Variants in UNC80 observed in about 807,000 individuals in gnomAD.
UNC80 encodes the protein protein unc-80 homolog.
Under a neutral mutation model 384.6 loss-of-function variants are expected in UNC80, and 164 were observed. The ratio of observed to expected loss-of-function variants is 0.43; its 90% CI spans 0.38 to 0.49. The LOEUF is 0.49. UNC80 is among the 20% of genes least tolerant of loss of function. UNC80 has a pLI of 0.00. For synonymous variants in UNC80, 1,486 were observed against 1,527.8 expected (o/e 0.97, Z 0.64); for missense variants, 3,330 against 4,143.0 (o/e 0.80, Z 5.39).
At chr2:209,837,900 T>C (rs2081442644) in intron 18 of UNC80, among the ~76,000 whole-genome samples, 1 of 151,942 alleles carries the variant, frequency 6.6e-6, no homozygotes, top group Middle Eastern at 3.4e-3. Flanking sequence ...GCCTCCTGAG[T>C]AGCTGGGACT....
intron 2 of UNC80, among the ~76,000 whole-genome samples, 160 bp from the exon 3 acceptor site, chr2:209,775,729 G>A (rs1307133251): frequency 6.6e-6 from 1 of 152,138 alleles, no homozygotes; most frequent in African/African-American, 2.4e-5. Flanking sequence ...ACAAGAAAAT[G>A]CAATGAGTTC....
At chr2:209,886,074 C>T (rs888724064) in intron 25 of UNC80, among the ~76,000 whole-genome samples, 1 of 151,930 alleles carries the variant, frequency 6.6e-6, no homozygotes, top group Non-Finnish European at 1.5e-5. Flanking sequence ...AAAATTTTAT[C>T]TTATTGATGA....
chr2:209,833,178 T>A (rs1306479898), intron 16 of UNC80, among the ~76,000 whole-genome samples: 2 of 150,676 alleles, frequency 1.3e-5, no homozygotes, highest in Non-Finnish European at 2.9e-5. Context: ...ATTATGGACA[T>A]AATTGTCCCA....
chr2:209,849,744 A>T, intron 22 of UNC80, 121 bp downstream of exon 22: 1 of 1,068,952 alleles, frequency 9.4e-7, no homozygotes, highest in Non-Finnish European at 1.3e-6. Context: ...TTTCAGAATT[A>T]GTGATAAAAG....
chr2:209,896,481 G>A, intron 28 of UNC80, 68 bp downstream of exon 28: 1 of 1,262,834 alleles, frequency 7.9e-7, no homozygotes, highest in East Asian at 2.5e-5. Context: ...TCCAAGGAGG[G>A]AGGACAAGAG....
At chr2:209,869,450 G>C (rs186419980) in intron 22 of UNC80, among the ~76,000 whole-genome samples, 42 of 152,188 alleles carry the variant, frequency 2.8e-4, no homozygotes, top group Admixed American at 1.2e-3. Flanking sequence ...TTAATTAGCT[G>C]TTGCTTACTA....
At chr2:209,894,745 T>G (rs2086652955) in intron 27 of UNC80, among the ~76,000 whole-genome samples, 2 of 152,236 alleles carry the variant, frequency 1.3e-5, no homozygotes, top group Non-Finnish European at 2.9e-5. Context: ...AAAAGGACAG[T>G]CTTTGAAATT....
At chr2:209,992,318 T>G in intron 62 of UNC80, 71 bp downstream of exon 62, 1 of 1,398,662 alleles carries the variant, frequency 7.1e-7, no homozygotes, top group Non-Finnish European at 9.9e-7. Context: ...TTAATGCCCA[T>G]GTATATTAAG....
At chr2:209,988,641 C>T (rs1294897402) in intron 61 of UNC80, among the ~76,000 whole-genome samples, 2 of 152,034 alleles carry the variant, frequency 1.3e-5, no homozygotes, top group Non-Finnish European at 2.9e-5. Context: ...TACTGCAATC[C>T]AGGCCATTAT....
chr2:209,937,372 T>C (rs1185817735), intron 41 of UNC80, among the ~76,000 whole-genome samples, 157 bp from the exon 42 acceptor site: 1 of 152,234 alleles, frequency 6.6e-6, no homozygotes, highest in African/African-American at 2.4e-5. Flanking sequence ...GACATCACTT[T>C]ACAGTGATCT....
chr2:209,873,092 A>C (rs986703716), intron 23 of UNC80, 122 bp downstream of exon 23: 1 of 892,470 alleles, frequency 1.1e-6, no homozygotes, highest in Non-Finnish European at 1.7e-6. Context: ...CAGGTACTGA[A>C]GGAAACACTT....
At chr2:209,882,216 T>A (rs1294670302) in intron 25 of UNC80, among the ~76,000 whole-genome samples, 2 of 152,096 alleles carry the variant, frequency 1.3e-5, no homozygotes, top group African/African-American at 4.8e-5. Context: ...TCTGCCTGCC[T>A]TGGCCTCCCA....
rs1015610704 is a variant in UNC80, at chr2:209,798,797, C to G, written c.938+4938C>G. 7.3e-5 allele frequency among the ~76,000 whole-genome samples: 11 copies of G among 150,540 alleles called. No individual in the cohort carries two copies. In the South Asian group the frequency reaches 2.3e-3, roughly 32 times the overall value. On this transcript the variant is annotated intron_variant, in intron 7 of 64. Coordinates refer to ENST00000673920, the MANE Select transcript of UNC80 (RefSeq NM_001371986.1). Reference sequence around the variant, plus strand: ...GGTTCACGCCATTCTCCTGCCTCAGCCTGCCGAGTAGCTGGGACTACAGGC... The same window carrying G: ...GGTTCACGCCATTCTCCTGCCTCAGGCTGCCGAGTAGCTGGGACTACAGGC...
At chr2:209,867,367 C>T (rs2083921034) in intron 22 of UNC80, among the ~76,000 whole-genome samples, 1 of 151,698 alleles carries the variant, frequency 6.6e-6, no homozygotes, top group Non-Finnish European at 1.5e-5. Flanking sequence ...TTGTCAGACA[C>T]CTGGAAACAT....
intron 37 of UNC80, 126 bp from the exon 38 acceptor site, chr2:209,930,842 T>C: frequency 1.6e-6 from 1 of 612,406 alleles, no homozygotes; most frequent in African/African-American, 1.9e-5. Context: ...TTGAACATAA[T>C]TGAAATCAAT....
intron 12 of UNC80, 28 bp downstream of exon 12, chr2:209,819,289 A>T: frequency 6.5e-7 from 1 of 1,530,648 alleles, no homozygotes; most frequent in East Asian, 2.5e-5. Flanking sequence ...TTCTTACCAA[A>T]GTTAGACAGA....
At position 209,917,924 on chromosome 2, in the gene UNC80, C is replaced by T. The variant is rs1046246987; in HGVS notation, c.5177C>T (p.Pro1726Leu). Residue 1726 changes from proline (P) to leucine (L), a missense_variant, in exon 32 of 65, where the codon CCC (proline) becomes CTC (leucine). Coordinates refer to ENST00000673920, the MANE Select transcript of UNC80 (RefSeq NM_001371986.1). ...TGGAGGTTTCGCTATCAGGTCTGGC[C>T]CCGGATGGAGGAAGGGGCACAGCAG... ...TLWRFRYQVW[P>L]RMEEGAQQIF... 3.9e-6 allele frequency: 6 copies of T among 1,551,536 alleles called. No individual in the cohort carries two copies. Among genetic ancestry groups the T allele is most frequent in the Non-Finnish European group, 5.2e-6 (6 of 1,146,970 alleles).
At chr2:209,956,045 A>G (rs557336727) in intron 48 of UNC80, among the ~76,000 whole-genome samples, 3 of 151,648 alleles carry the variant, frequency 2.0e-5, no homozygotes, top group South Asian at 2.1e-4. Context: ...TACTCAGCCT[A>G]TTTCTCCTCA....
At chr2:209,943,596 A>C in intron 45 of UNC80, 82 bp downstream of exon 45, 1 of 1,486,074 alleles carries the variant, frequency 6.7e-7, no homozygotes, top group East Asian at 2.5e-5. Context: ...TTACTATGGC[A>C]AGGGAGTTGG....
Sources: allele counts gnomAD v4.1 joint callset (sites outside exome capture counted in the v4.1 genomes callset), GRCh38; gene constraint gnomAD v4.1.1; transcripts MANE v1.5; gene names NCBI Gene and HGNC (gene_info 2026-07-23, HGNC 2026-07-21).